Variants in SPECC1 observed in about 807,000 individuals in gnomAD.
SPECC1 encodes sperm antigen with calponin homology and coiled-coil domains 1.
SPECC1 carries 62 observed loss-of-function variants against 104.1 expected under a neutral mutation model. That is an observed-to-expected ratio of 0.60 (90% confidence interval 0.49 to 0.74). SPECC1 has a LOEUF of 0.74. SPECC1 is among the 30% of genes least tolerant of loss of function. The pLI, the probability that SPECC1 is intolerant of heterozygous loss-of-function variation, is 0.00. For synonymous variants in SPECC1, 513 were observed against 501.6 expected, an observed-to-expected ratio of 1.02 and a Z score of -0.30; for missense variants, 1,306 against 1,310.5, an observed-to-expected ratio of 1.00 and a Z score of 0.05.
At chr17:20,108,784 A>G (rs2048348156) in intron 2 of SPECC1, among the ~76,000 whole-genome samples, 1 of 152,164 alleles carries the variant, frequency 6.6e-6, no homozygotes, top group South Asian at 2.1e-4. Context: ...TGAGGGACCT[A>G]TGTACTTGCT....
At chr17:20,240,292 C>T (rs905107440) in intron 7 of SPECC1, among the ~76,000 whole-genome samples, 2 of 151,618 alleles carry the variant, frequency 1.3e-5, no homozygotes, top group East Asian at 3.9e-4. Context: ...TGCAACTTTT[C>T]CCTGCTTTTT....
chr17:20,210,773 C>T (rs2037090050), intron 4 of SPECC1, among the ~76,000 whole-genome samples: 2 of 152,286 alleles, frequency 1.3e-5, no homozygotes, highest in African/African-American at 2.4e-5. Flanking sequence ...CACATGGCTT[C>T]GCCCAGTGCC....
At position 20,271,933 on chromosome 17, in the gene SPECC1, C is replaced by G. The variant is rs575408738; in HGVS notation, c.2940+11639C>G. ...TTTTCATTCATAATTTTGTGGGCAT[C>G]GCTCCATTGTCTTCTATTTGCCAGT... is the stretch of plus-strand genomic sequence containing the variant. On this transcript the variant is annotated intron_variant, in intron 12 of 14. Coordinates refer to ENST00000395527, the MANE Select transcript of SPECC1 (RefSeq NM_001243439.2). 3.9e-5 allele frequency among the ~76,000 whole-genome samples: 6 copies of G among 152,148 alleles called. No individual in the cohort carries two copies. In the South Asian group the frequency reaches 6.2e-4, roughly 16 times the overall value.
chr17:20,249,070 A>G (rs2039527312), intron 9 of SPECC1, among the ~76,000 whole-genome samples: 2 of 152,182 alleles, frequency 1.3e-5, no homozygotes, highest in Non-Finnish European at 2.9e-5. Context: ...CACCATCTAG[A>G]TCCTTAAATT....
rs150909308 is a variant in SPECC1, at chr17:20,305,934, C to T, written c.3058-89C>T. 5.1e-5 allele frequency: 58 copies of T among 1,140,430 alleles called. No homozygotes were observed. In the Middle Eastern group the frequency reaches 5.9e-4, roughly 12 times the overall value. 70.6% of individuals were successfully genotyped at this position (1,140,430 alleles called of 1,614,324 possible). A position where few individuals can be genotyped will look rare whatever the true frequency, so the allele number is the denominator to read the frequency against. Reference sequence around the variant, plus strand: ...TCTTCGCTTTATAATAGTGAATAATCTATATGGGAATATCAGTTGATATTC... The same window carrying T: ...TCTTCGCTTTATAATAGTGAATAATTTATATGGGAATATCAGTTGATATTC... On this transcript the variant is annotated intron_variant, in intron 13 of 14. Transcript: ENST00000395527.
intron 1 of SPECC1, among the ~76,000 whole-genome samples, chr17:20,054,506 G>T (rs941481934): frequency 6.6e-6 from 1 of 151,990 alleles, no homozygotes; most frequent in Non-Finnish European, 1.5e-5. Context: ...AGTCCCCAGG[G>T]GATACCTGTG....
Position 20,104,534 on chromosome 17 carries a change from G to A in SPECC1, c.148-5893G>A, listed in dbSNP as rs533679230. Among the ~76,000 whole-genome samples, 35 of 152,044 alleles carry A rather than the reference G, an allele frequency of 2.3e-4. No homozygotes were observed. In the East Asian group the frequency reaches 6.0e-3, roughly 26 times the overall value. The stretch of plus-strand genomic sequence containing the variant: ...GAGGCAGGTGGATCACCTGAGGTCA[G>A]GAGTTTGAGACCAGCCTGGCCAACA... On this transcript the variant is annotated intron_variant, in intron 2 of 14. Transcript: ENST00000395527.
intron 7 of SPECC1, chr17:20,237,195 A>G (rs1241941778): frequency 1.5e-6 from 2 of 1,293,014 alleles, no homozygotes; most frequent in Non-Finnish European, 9.9e-7. Context: ...AGTCTTATGA[A>G]AAGTTATTTG....
chr17:20,112,005 T>A, intron 3 of SPECC1: 1 of 778,618 alleles, frequency 1.3e-6, no homozygotes, highest in Non-Finnish European at 2.4e-6. Context: ...GATGATGATG[T>A]TTTGTTTGTG....
intron 7 of SPECC1, chr17:20,237,021 G>A: frequency 6.5e-7 from 1 of 1,538,500 alleles, no homozygotes. Flanking sequence ...GACATTCTCT[G>A]TTTCTCAGAG....
intron 1 of SPECC1, among the ~76,000 whole-genome samples, chr17:20,053,434 G>C (rs965364887): frequency 1.3e-5 from 2 of 152,132 alleles, no homozygotes; most frequent in African/African-American, 4.8e-5. Flanking sequence ...CAAATTCTTT[G>C]ACACTTCTTA....
chr17:20,132,612 A>G (rs1478320785), intron 3 of SPECC1, among the ~76,000 whole-genome samples: 1 of 150,118 alleles, frequency 6.7e-6, no homozygotes, highest in Non-Finnish European at 1.5e-5. Flanking sequence ...AAATTTCCCT[A>G]ATTGTTATAG....
At chr17:20,037,764 A>G (rs936876599) in intron 1 of SPECC1, among the ~76,000 whole-genome samples, 5 of 152,158 alleles carry the variant, frequency 3.3e-5, no homozygotes, top group African/African-American at 1.2e-4. Context: ...TTATTCTTCA[A>G]ACAAAGTTCT....
chr17:20,290,539 G>T (rs2041128263), intron 12 of SPECC1, among the ~76,000 whole-genome samples: 1 of 151,828 alleles, frequency 6.6e-6, no homozygotes, highest in African/African-American at 2.4e-5. Context: ...TTTTGAGACA[G>T]GGTTTCACTC....
At chr17:20,031,296 C>T (rs1362533339) in intron 1 of SPECC1, among the ~76,000 whole-genome samples, 4 of 151,964 alleles carry the variant, frequency 2.6e-5, no homozygotes, top group Non-Finnish European at 5.9e-5. Context: ...GCCTGGCCTC[C>T]TGCTTAATCA....
intron 3 of SPECC1, among the ~76,000 whole-genome samples, chr17:20,162,141 T>C (rs1239908753): frequency 6.6e-6 from 1 of 151,060 alleles, no homozygotes; most frequent in Non-Finnish European, 1.5e-5. Flanking sequence ...AATAATTTTT[T>C]ATTTTTTTAT....
At chr17:20,303,686 C>T (rs150167347) in intron 13 of SPECC1, among the ~76,000 whole-genome samples, 3 of 152,264 alleles carry the variant, frequency 2.0e-5, no homozygotes, top group Non-Finnish European at 2.9e-5. Context: ...GGTGCTGTGG[C>T]TCACGTCTGT....
In SPECC1 at chr17:20,074,436, C is replaced by A. The variant is rs1311556366; in HGVS notation, c.-21-22195C>A. Among the ~76,000 whole-genome samples the A allele has an allele frequency of 2.0e-5, 3 of 152,138 alleles. No individual in the cohort carries two copies. In the East Asian group the frequency reaches 5.8e-4, roughly 29 times the overall value. On this transcript the variant is annotated intron_variant, in intron 1 of 14. Coordinates refer to ENST00000395527, the MANE Select transcript of SPECC1 (RefSeq NM_001243439.2). ...ACATCCCATCACAGGGCTGAAGATACCTTAAAATCTCTCTTACCCACTCTA... is the reference window on the plus strand; with the variant it reads ...ACATCCCATCACAGGGCTGAAGATAACTTAAAATCTCTCTTACCCACTCTA...
At chr17:20,203,755 A>G (rs754364945) in intron 3 of SPECC1, among the ~76,000 whole-genome samples, 1 of 152,238 alleles carries the variant, frequency 6.6e-6, no homozygotes, top group Non-Finnish European at 1.5e-5. Flanking sequence ...TTATCAGTGC[A>G]GATGTACTAA....
Sources: allele counts gnomAD v4.1 joint callset (sites outside exome capture counted in the v4.1 genomes callset), GRCh38; gene constraint gnomAD v4.1.1; transcripts MANE v1.5; gene names NCBI Gene and HGNC (gene_info 2026-07-23, HGNC 2026-07-21).